BOC: variants seen among roughly 807,000 people sequenced by gnomAD.
BOC encodes brother of CDO.
Under a neutral mutation model 112.0 loss-of-function variants are expected in BOC, and 76 were observed. The observed-to-expected ratio is 0.68, with a 90% CI of 0.56 to 0.82. The LOEUF is 0.82. Among genes scored for constraint, BOC ranks in the 40% least tolerant of loss-of-function variants. The pLI is 0.00. For synonymous variants in BOC, 580 were observed against 599.8 expected, an observed-to-expected ratio of 0.97 and a Z score of 0.48; for missense variants, 1,309 against 1,511.7, an observed-to-expected ratio of 0.87 and a Z score of 2.22.
intron 5 of BOC, among the ~76,000 whole-genome samples, chr3:113,269,167 T>G (rs1324594969): frequency 6.6e-6 from 1 of 152,204 alleles, no homozygotes; most frequent in Admixed American, 6.5e-5. Flanking sequence ...CTCTTCCCCA[T>G]GCAGCAGAGC....
At chr3:113,250,467 A>G (rs1490361687) in intron 3 of BOC, 88 bp from the exon 4 acceptor site, 3 of 1,478,368 alleles carry the variant, frequency 2.0e-6, no homozygotes, top group African/African-American at 1.4e-5. Flanking sequence ...CCACTTCTGG[A>G]AGACTTCCTG....
intron 4 of BOC, among the ~76,000 whole-genome samples, chr3:113,261,443 A>G (rs1576444917): frequency 6.6e-6 from 1 of 152,052 alleles, no homozygotes; most frequent in African/African-American, 2.4e-5. Context: ...CATCTAGTCC[A>G]AAAGAAACTC....
chr3:113,278,603 A>G lies in BOC; in HGVS notation c.1706-70A>G. ...TGCCGCTTAGCAGAGTCTCAGGCAA[A>G]AAGGACTCTGTGGGAGGGAGATCTC... On this transcript the variant is annotated intron_variant, in intron 10 of 19. Coordinates refer to ENST00000682979, the MANE Select transcript of BOC (RefSeq NM_001378074.1). This position sits in a 1 kb window ranked among gnomAD's most constrained non-coding sequence, Gnocchi z 4.2. 3.0e-6 allele frequency: 4 copies of G among 1,348,588 alleles called. No individual in the cohort carries two copies. The highest frequency in any genetic ancestry group is 4.1e-6 in the Non-Finnish European group (4 of 965,606). The allele number at this position is 1,348,588 out of a possible 1,614,324, so 83.5% of individuals were successfully genotyped here.
At chr3:113,220,989 A>G (rs1013612506) in intron 2 of BOC, among the ~76,000 whole-genome samples, 3 of 152,174 alleles carry the variant, frequency 2.0e-5, no homozygotes, top group Non-Finnish European at 4.4e-5. Flanking sequence ...GGAAGGAGCC[A>G]TATTTCTGGA....
chr3:113,243,403 A>G (rs1215389414), intron 2 of BOC, among the ~76,000 whole-genome samples: 2 of 152,266 alleles, frequency 1.3e-5, no homozygotes, highest in Non-Finnish European at 2.9e-5. Flanking sequence ...CTAATCCTAA[A>G]TAGGCGTTCT....
chr3:113,281,736 T>C, intron 15 of BOC, among the ~76,000 whole-genome samples: 1 of 152,242 alleles, frequency 6.6e-6, no homozygotes, highest in East Asian at 1.9e-4. Context: ...AAAGCAGTTG[T>C]ATTGCAAAGA....
At chr3:113,224,398 C>T (rs1447734887) in intron 2 of BOC, among the ~76,000 whole-genome samples, 1 of 152,180 alleles carries the variant, frequency 6.6e-6, no homozygotes, top group African/African-American at 2.4e-5. Flanking sequence ...AGTTTGGTGA[C>T]AGAACCCCCA....
intron 6 of BOC, chr3:113,271,208 CT>C (rs1362181818): frequency 9.3e-6 from 6 of 642,202 alleles, no homozygotes; most frequent in South Asian, 9.1e-5. Flanking sequence ...TTCACGGTTA[CT>C]TTGCGATTGG....
chr3:113,246,656 T>C (rs575128946), intron 2 of BOC, among the ~76,000 whole-genome samples: 119 of 151,410 alleles, frequency 7.9e-4, no homozygotes, highest in African/African-American at 2.7e-3. Flanking sequence ...CATCATCCAG[T>C]GACCAAGCCC....
chr3:113,226,998 T>C (rs181980172), intron 2 of BOC, among the ~76,000 whole-genome samples: 51 of 152,344 alleles, frequency 3.3e-4, no homozygotes, highest in African/African-American at 1.2e-3. Flanking sequence ...TCTGAATATT[T>C]CTCAGATCAC....
At chr3:113,281,273 A>G (rs1435014291) in intron 15 of BOC, 120 bp downstream of exon 15, 10 of 1,225,812 alleles carry the variant, frequency 8.2e-6, no homozygotes, top group African/African-American at 3.0e-5. Context: ...TTGTTTTCCA[A>G]ATACCCTCAG....
At chr3:113,273,847 G>A (rs1368716047) in intron 8 of BOC, among the ~76,000 whole-genome samples, 1 of 152,216 alleles carries the variant, frequency 6.6e-6, no homozygotes, top group African/African-American at 2.4e-5. Context: ...GGAAGGTCAG[G>A]TAGAGGAGAG....
chr3:113,273,314 G>A lies in BOC; in HGVS notation c.1207G>A (p.Val403Ile), dbSNP rs777320137. 7.1e-5 allele frequency: 114 copies of A among 1,595,860 alleles called. 1 individual carries two copies. In the South Asian group the frequency reaches 9.9e-4, roughly 14 times the overall value. ...AENEVGSAHA[V>I]VQLRTSRPSI... ...GAACGAGGTTGGGAGCGCCCATGCC[G>A]TAGTCCAGCTGCGGACCTCCAGGCC... is the stretch of plus-strand genomic sequence containing the variant. Residue 403 changes from valine to isoleucine, a missense_variant, in exon 8 of 20, where the codon GTA (valine) becomes ATA (isoleucine). Coordinates refer to ENST00000682979, the MANE Select transcript of BOC (RefSeq NM_001378074.1).
At chr3:113,251,763 G>C (rs1246591674) in intron 4 of BOC, 1 of 152,132 alleles carries the variant, frequency 6.6e-6, no homozygotes, top group Non-Finnish European at 1.5e-5. Flanking sequence ...CTGACGGATG[G>C]TCCTAATAAC....
chr3:113,253,338 C>A (rs935431214), intron 4 of BOC, among the ~76,000 whole-genome samples: 3 of 151,926 alleles, frequency 2.0e-5, no homozygotes, highest in African/African-American at 7.3e-5. Context: ...ACCTGTAATC[C>A]CAGCACTTTG....
chr3:113,268,731 T>G (rs893019297), intron 5 of BOC, among the ~76,000 whole-genome samples: 1 of 152,102 alleles, frequency 6.6e-6, no homozygotes, highest in Non-Finnish European at 1.5e-5. Flanking sequence ...CTCAACCATC[T>G]GAGTAGCTAG....
At chr3:113,254,621 G>A (rs1044083632) in intron 4 of BOC, among the ~76,000 whole-genome samples, 1 of 152,236 alleles carries the variant, frequency 6.6e-6, no homozygotes, top group African/African-American at 2.4e-5. Context: ...GGGCAGCGGC[G>A]TGCCGGTGCA....
intron 2 of BOC, among the ~76,000 whole-genome samples, chr3:113,236,429 C>A (rs191419002): frequency 2.1e-5 from 3 of 144,702 alleles, no homozygotes; most frequent in Middle Eastern, 3.5e-3. Context: ...AAGCCAAATA[C>A]CACATGTTCT....
At chr3:113,283,253 G>A (rs1382262767) in intron 15 of BOC, among the ~76,000 whole-genome samples, 158 bp from the exon 16 acceptor site, 1 of 151,380 alleles carries the variant, frequency 6.6e-6, no homozygotes, top group Non-Finnish European at 1.5e-5. Flanking sequence ...ATTTCATGCT[G>A]AGTGTGGACA....
Sources: allele counts gnomAD v4.1 joint callset (sites outside exome capture counted in the v4.1 genomes callset), GRCh38; gene constraint gnomAD v4.1.1; non-coding constraint Gnocchi (gnomAD v3.1); transcripts MANE v1.5; gene names NCBI Gene and HGNC (gene_info 2026-07-23, HGNC 2026-07-21).